RELL1: variants seen among roughly 807,000 people sequenced by gnomAD.
RELL1 encodes the protein RELT-like protein 1.
Under a neutral mutation model 23.0 loss-of-function variants are expected in RELL1, and 10 were observed. That is an observed-to-expected ratio of 0.43 (90% confidence interval 0.27 to 0.74). RELL1 has a LOEUF of 0.74. Ranked by LOEUF, RELL1 falls within the 30% of genes least tolerant of loss-of-function variation. The pLI, the probability that RELL1 is intolerant of heterozygous loss-of-function variation, is 0.19. For synonymous variants in RELL1, 146 were observed against 146.8 expected, an observed-to-expected ratio of 0.99 and a Z score of 0.04; for missense variants, 315 against 364.4, an observed-to-expected ratio of 0.86 and a Z score of 1.10.
At chr4:37,647,623 G>GA (rs1720754818) in intron 2 of RELL1, among the ~76,000 whole-genome samples, 184 bp from the exon 3 acceptor site, 1 of 152,174 alleles carries the variant, frequency 6.6e-6, no homozygotes, top group Non-Finnish European at 1.5e-5. Context: ...AGCATAAAGA[G>GA]AAAGTATCAA....
intron 6 of RELL1, among the ~76,000 whole-genome samples, chr4:37,604,810 G>GACACACACACACACACACACAC (rs199773530): frequency 1.4e-5 from 1 of 73,598 alleles, no homozygotes; most frequent in Non-Finnish European, 2.5e-5. Context: ...CACACACACA[G>GACACACACACACACACACACAC]ACACACACAC....
chr4:37,659,984 A>G (rs917861794), intron 1 of RELL1, among the ~76,000 whole-genome samples: 4 of 152,144 alleles, frequency 2.6e-5, no homozygotes, highest in Non-Finnish European at 4.4e-5. Context: ...TGAACCAACA[A>G]ACTCTTGATG....
At chr4:37,605,926 G>GGA (rs975764486), downstream of RELL1, among the ~76,000 whole-genome samples, 1 of 103,716 alleles carries the variant, frequency 9.6e-6, no homozygotes, top group Non-Finnish European at 2.3e-5. Flanking sequence ...AGGGAGGGAG[G>GGA]GAGAGAGAGA....
chr4:37,603,750 T>C (rs543687467), intron 6 of RELL1, among the ~76,000 whole-genome samples: 1 of 152,328 alleles, frequency 6.6e-6, no homozygotes, highest in South Asian at 2.1e-4. Flanking sequence ...TCTTCTTTCC[T>C]GGTGTGAGGA....
chr4:37,621,952 T>G (rs1226743363), intron 6 of RELL1, among the ~76,000 whole-genome samples: 1 of 152,232 alleles, frequency 6.6e-6, no homozygotes, highest in Non-Finnish European at 1.5e-5. Context: ...AACATCATAG[T>G]TGATGACAGT....
chr4:37,666,598 G>T (rs1721540994), intron 1 of RELL1, among the ~76,000 whole-genome samples: 1 of 152,186 alleles, frequency 6.6e-6, no homozygotes, highest in Admixed American at 6.5e-5. Context: ...CAGCTCAGCT[G>T]GGGATATAAA....
At chr4:37,672,954 T>C (rs533797872) in intron 1 of RELL1, among the ~76,000 whole-genome samples, 128 of 152,162 alleles carry the variant, frequency 8.4e-4, no homozygotes, top group African/African-American at 2.9e-3. Flanking sequence ...AAAATGAAAA[T>C]ATACCAACAT....
chr4:37,656,391 A>T (rs1467627449), intron 1 of RELL1, among the ~76,000 whole-genome samples: 1 of 152,220 alleles, frequency 6.6e-6, no homozygotes, highest in Non-Finnish European at 1.5e-5. Flanking sequence ...ACAGGCACAA[A>T]ATATAAATTT....
rs112993100 is a variant in RELL1 at position 37,616,485 on chromosome 4, G to A, written c.*4-3143C>T. ...AATGCAGAAACTAGAAATGCTGCCA[G>A]GGTCTCTCTCAGGGGAAATCACTGT... On this transcript the variant is annotated intron_variant, in intron 6 of 6. Coordinates refer to ENST00000454158, the MANE Select transcript of RELL1 (RefSeq NM_001085400.2). Among the ~76,000 whole-genome samples the A allele has an allele frequency of 1.2e-4, 18 of 152,286 alleles. 3 individuals are homozygous for A. Among genetic ancestry groups the A allele is most frequent in the African/African-American group, 4.3e-4 (18 of 41,560 alleles).
rs1577578534 is a variant in RELL1 at position 37,634,901 on chromosome 4, G to A, written c.666C>T (p.Val222=). ...SRPRRQGEVT[V]LSVGRFRVTK... is the part of the protein sequence containing the mutation. ...AGGGATCTTACCTGCCAACAGAAAG[G>A]ACCGTGACCTCGCCTTGGCGCCGTG... Residue 222 remains valine, a synonymous_variant, in exon 5 of 7, where the codon GTC becomes GTT. Transcript: ENST00000454158. The A allele has an allele frequency of 2.5e-6, 4 of 1,614,212 alleles. No homozygotes were observed. In the East Asian group the frequency reaches 8.9e-5, roughly 36 times the overall value.
rs3796707 is a variant in RELL1 at position 37,615,217 on chromosome 4, T to C, written c.*4-1875A>G. ...TTAGCTTTCTTCAACAGCTGCCTTC[T>C]GCAGCTGATAAAAACTGCACTATCT... On this transcript the variant is annotated intron_variant, in intron 6 of 6. Coordinates refer to ENST00000454158, the MANE Select transcript of RELL1 (RefSeq NM_001085400.2). Among the ~76,000 whole-genome samples the C allele has an allele frequency of 1.2e-3, 188 of 152,340 alleles. 1 individual carries two copies. In the East Asian group the frequency reaches 0.026, roughly 21 times the overall value.
chr4:37,658,557 A>C (rs1007601399), intron 1 of RELL1, among the ~76,000 whole-genome samples: 1 of 152,170 alleles, frequency 6.6e-6, no homozygotes, highest in Non-Finnish European at 1.5e-5. Flanking sequence ...TATTCCCAAC[A>C]TCAAGGTCAC....
rs191681298 is a variant in RELL1, at chr4:37,610,957, A to G, written c.*2389T>C. ...ACCAGTAAAAAGCGTATGTGTTGAA[A>G]ATACTGAACGCTTAATTTTGGCAAA... On this transcript the variant is annotated 3_prime_UTR_variant, in exon 7 of 7. Coordinates refer to ENST00000454158, the MANE Select transcript of RELL1 (RefSeq NM_001085400.2). This position sits in a 1 kb window ranked among gnomAD's most constrained non-coding sequence, Gnocchi z 4.1. Among the ~76,000 whole-genome samples, 11 of 152,344 alleles carry G rather than the reference A, an allele frequency of 7.2e-5. No individual in the cohort carries two copies. Among genetic ancestry groups the G allele is most frequent in the Admixed American group, 7.2e-4 (11 of 15,302 alleles).
At chr4:37,604,832 T>A (rs77038011) in intron 6 of RELL1, among the ~76,000 whole-genome samples, 3 of 93,798 alleles carry the variant, frequency 3.2e-5, no homozygotes, top group Non-Finnish European at 2.3e-5. Context: ...GACACACACA[T>A]ACACACAGAC....
At chr4:37,642,855 C>A (rs1720575376) in intron 3 of RELL1, among the ~76,000 whole-genome samples, 1 of 152,234 alleles carries the variant, frequency 6.6e-6, no homozygotes, top group Non-Finnish European at 1.5e-5. Flanking sequence ...GATTTGATAG[C>A]TTCCAGGTGG....
At chr4:37,668,229 C>T (rs1262512096) in intron 1 of RELL1, among the ~76,000 whole-genome samples, 6 of 149,752 alleles carry the variant, frequency 4.0e-5, no homozygotes, top group Non-Finnish European at 7.4e-5. Flanking sequence ...TCCCCCTCTC[C>T]CTCTCCCCTC....
At chr4:37,596,967 C>T (rs948699165) in intron 6 of RELL1, among the ~76,000 whole-genome samples, 1 of 151,514 alleles carries the variant, frequency 6.6e-6, no homozygotes, top group East Asian at 1.9e-4. Flanking sequence ...AGGCTGGTCT[C>T]GAACTCCCCA....
At chr4:37,626,011 A>G (rs948427612) in intron 6 of RELL1, among the ~76,000 whole-genome samples, 2 of 152,196 alleles carry the variant, frequency 1.3e-5, no homozygotes, top group African/African-American at 4.8e-5. Flanking sequence ...ATTACTAATC[A>G]TCATGGAAAT....
At chr4:37,651,988 G>A (rs1720963016) in intron 1 of RELL1, among the ~76,000 whole-genome samples, 1 of 152,234 alleles carries the variant, frequency 6.6e-6, no homozygotes, top group South Asian at 2.1e-4. Context: ...CGCCAGCGTG[G>A]CCAAGCAGGG....
Sources: gnomAD v4.1 joint callset for allele counts (sites outside exome capture counted in the v4.1 genomes callset) on GRCh38, gnomAD v4.1.1 for gene constraint, Gnocchi (gnomAD v3.1) non-coding constraint, MANE v1.5 for transcripts, NCBI Gene and HGNC (gene_info 2026-07-23, HGNC 2026-07-21) for gene names.